TMEM117: variants seen among roughly 807,000 people sequenced by gnomAD.
The protein encoded by TMEM117 is transmembrane protein 117.
In TMEM117, 27 loss-of-function variants were observed where a neutral mutation model predicts 52.4. That is an observed-to-expected ratio of 0.51 (90% confidence interval 0.38 to 0.71). TMEM117 has a LOEUF of 0.71. TMEM117 is among the 30% of genes least tolerant of loss of function. The pLI, the probability that TMEM117 is intolerant of heterozygous loss-of-function variation, is 0.00. For missense variants in TMEM117, 556 were observed against 630.5 expected, an observed-to-expected ratio of 0.88 and a Z score of 1.26; for synonymous variants, 215 against 206.3, an observed-to-expected ratio of 1.04 and a Z score of -0.36.
intron 4 of TMEM117, among the ~76,000 whole-genome samples, chr12:44,209,946 C>G (rs1022373186): frequency 7.2e-5 from 11 of 152,038 alleles, no homozygotes; most frequent in African/African-American, 1.7e-4. Flanking sequence ...GAAGGGGTCA[C>G]TGATCTAAAA....
intron 2 of TMEM117, among the ~76,000 whole-genome samples, chr12:43,916,734 G>A (rs1344299291): frequency 6.6e-6 from 1 of 152,108 alleles, no homozygotes; most frequent in African/African-American, 2.4e-5. Flanking sequence ...TTCAGTTACT[G>A]GGACTAAAAA....
chr12:44,372,403 C>T (rs1198599110), intron 6 of TMEM117, among the ~76,000 whole-genome samples: 1 of 152,052 alleles, frequency 6.6e-6, no homozygotes, highest in Non-Finnish European at 1.5e-5. Flanking sequence ...ATAAAACTGG[C>T]TATACATCCA....
intron 5 of TMEM117, among the ~76,000 whole-genome samples, chr12:44,267,657 C>A (rs918582478): frequency 1.3e-5 from 2 of 152,276 alleles, no homozygotes; most frequent in Non-Finnish European, 2.9e-5. Flanking sequence ...AAAGTTTATA[C>A]CTTTGACCCT....
At chr12:44,155,848 A>T (rs199645447) in intron 4 of TMEM117, among the ~76,000 whole-genome samples, 1 of 152,066 alleles carries the variant, frequency 6.6e-6, no homozygotes, top group Non-Finnish European at 1.5e-5. Flanking sequence ...GGGCACATTA[A>T]TCTGGAAACT....
chr12:44,019,854 A>G (rs1010903129), intron 3 of TMEM117, among the ~76,000 whole-genome samples: 6 of 152,170 alleles, frequency 3.9e-5, no homozygotes, highest in African/African-American at 9.6e-5. Flanking sequence ...AATCCCCCCA[A>G]ACTTCTTTGA....
intron 3 of TMEM117, among the ~76,000 whole-genome samples, chr12:44,133,069 C>T (rs1565842058): frequency 1.3e-5 from 2 of 152,262 alleles, no homozygotes; most frequent in Admixed American, 6.5e-5. Context: ...GTCCCTGTTG[C>T]TATTGGCTTA....
At chr12:43,845,272 C>T (rs113386845) in intron 2 of TMEM117, among the ~76,000 whole-genome samples, 5,681 of 151,802 alleles carry the variant, frequency 0.037, 267 homozygotes, top group African/African-American at 0.1. Flanking sequence ...ATCAGCCTGG[C>T]GAACATGGTG....
chr12:44,361,639 G>A (rs897800869), intron 6 of TMEM117, among the ~76,000 whole-genome samples: 4 of 152,132 alleles, frequency 2.6e-5, no homozygotes, highest in African/African-American at 9.7e-5. Flanking sequence ...TAAGGACTGA[G>A]AGAGACATAA....
rs1488937918 is a variant in TMEM117, at chr12:43,926,661, A to G, written c.278-17549A>G. 5.3e-5 allele frequency among the ~76,000 whole-genome samples: 8 copies of G among 152,292 alleles called. No homozygotes were observed. In the East Asian group the frequency reaches 1.5e-3, roughly 29 times the overall value. ...GTTCTCTTTACCGAAAGGTGCTTGCACTACTGAACAGAATATTTTTTAGTA... is the reference window on the plus strand; with the variant it reads ...GTTCTCTTTACCGAAAGGTGCTTGCGCTACTGAACAGAATATTTTTTAGTA... On this transcript the variant is annotated intron_variant, in intron 2 of 7. Transcript: ENST00000266534.
Position 43,966,323 on chromosome 12 carries a change from C to G in TMEM117, c.410+21981C>G, listed in dbSNP as rs148742057. 4.5e-3 allele frequency among the ~76,000 whole-genome samples: 687 copies of G among 152,210 alleles called. 6 individuals are homozygous for G. Among genetic ancestry groups the G allele is most frequent in the African/African-American group, 0.015 (634 of 41,522 alleles). On this transcript the variant is annotated intron_variant, in intron 3 of 7. Transcript: ENST00000266534. ...ATTCCTGAAACAAAACCCAATAAAA[C>G]TATAACATAAATAAATTAAAATAAT... is the stretch of plus-strand genomic sequence containing the variant.
rs1952133626 is a variant in TMEM117, at chr12:44,388,848, A to G, written c.*176A>G. 1.4e-6 allele frequency: 1 copy of G among 701,564 alleles called. No homozygotes were observed. Among genetic ancestry groups the G allele is most frequent in the East Asian group, 2.8e-5 (1 of 36,178 alleles). 43.5% of individuals were successfully genotyped at this position (701,564 alleles called of 1,614,324 possible). ...TTCATTGTTTTCTATTTGTATTATA[A>G]TACACGTGCCTACTGTATACTCAAC... On this transcript the variant is annotated 3_prime_UTR_variant, in exon 8 of 8. Coordinates refer to ENST00000266534, the MANE Select transcript of TMEM117 (RefSeq NM_032256.3).
chr12:44,139,900 C>G (rs1406499771), intron 3 of TMEM117, among the ~76,000 whole-genome samples: 2 of 151,982 alleles, frequency 1.3e-5, no homozygotes, highest in Non-Finnish European at 1.5e-5. Context: ...ACAATCCAAC[C>G]AGGAAATCTT....
At chr12:43,968,056 C>T (rs1464002024) in intron 3 of TMEM117, among the ~76,000 whole-genome samples, 1 of 152,094 alleles carries the variant, frequency 6.6e-6, no homozygotes, top group Non-Finnish European at 1.5e-5. Flanking sequence ...TAAAATGGTT[C>T]CACAGAATAT....
intron 4 of TMEM117, among the ~76,000 whole-genome samples, chr12:44,184,476 G>A (rs1949249446): frequency 6.6e-6 from 1 of 152,176 alleles, no homozygotes; most frequent in African/African-American, 2.4e-5. Flanking sequence ...GAGATATGGG[G>A]CAGATGGGGA....
chr12:43,990,339 C>T (rs897050873), intron 3 of TMEM117, among the ~76,000 whole-genome samples: 2 of 152,040 alleles, frequency 1.3e-5, no homozygotes, highest in Non-Finnish European at 2.9e-5. Flanking sequence ...ATTTTATTAT[C>T]CAAAAATGAC....
intron 3 of TMEM117, among the ~76,000 whole-genome samples, chr12:44,000,353 G>A (rs1021834676): frequency 3.9e-5 from 6 of 152,148 alleles, no homozygotes; most frequent in Admixed American, 3.3e-4. Context: ...CACTATTCCC[G>A]GGGCAGTCTT....
chr12:44,055,407 C>A (rs1257017706), intron 3 of TMEM117, among the ~76,000 whole-genome samples: 1 of 152,082 alleles, frequency 6.6e-6, no homozygotes, highest in Non-Finnish European at 1.5e-5. Context: ...ATATCTCTTA[C>A]AATACACTTA....
intron 3 of TMEM117, among the ~76,000 whole-genome samples, chr12:43,992,264 CTTAAT>C (rs943297927): frequency 1.1e-4 from 17 of 151,604 alleles, no homozygotes; most frequent in African/African-American, 3.9e-4. Context: ...TTAATTTTAA[CTTAAT>C]TTAATTAATT....
At chr12:44,296,058 G>T (rs1950764979) in intron 5 of TMEM117, among the ~76,000 whole-genome samples, 1 of 152,146 alleles carries the variant, frequency 6.6e-6, no homozygotes, top group Non-Finnish European at 1.5e-5. Flanking sequence ...TTTTAACTGG[G>T]TCACGAGACT....
Sources: allele counts gnomAD v4.1 joint callset (sites outside exome capture counted in the v4.1 genomes callset), GRCh38; gene constraint gnomAD v4.1.1; transcripts MANE v1.5; gene names NCBI Gene and HGNC (gene_info 2026-07-23, HGNC 2026-07-21).